Variants in CTNND2 observed in about 807,000 individuals in gnomAD.
The protein encoded by CTNND2 is catenin delta 2, also known as catenin delta-2.
In CTNND2, 22 loss-of-function variants were observed where a neutral mutation model predicts 144.4. The ratio of observed to expected loss-of-function variants is 0.15; its 90% confidence interval spans 0.11 to 0.22. CTNND2 has a LOEUF of 0.22. Ranked by LOEUF, CTNND2 falls within the 10% of genes least tolerant of loss-of-function variation. The pLI is 1.00. For missense variants in CTNND2, 1,353 were observed against 1,618.8 expected (o/e 0.84, Z 2.82); for synonymous variants, 751 against 695.6 (o/e 1.08, Z -1.25).
intron 12 of CTNND2, among the ~76,000 whole-genome samples, chr5:11,130,899 G>A (rs542651156): frequency 6.6e-6 from 1 of 152,174 alleles, no homozygotes; most frequent in South Asian, 2.1e-4. Context: ...TATATTGAAA[G>A]CCGCCCATAT....
intron 18 of CTNND2, among the ~76,000 whole-genome samples, chr5:11,006,478 G>A (rs895204016): frequency 3.3e-5 from 5 of 152,232 alleles, no homozygotes; most frequent in African/African-American, 1.2e-4. Context: ...ATGGAGAAGA[G>A]CTGACCCATC....
rs542798071 is a variant in CTNND2 at position 11,364,657 on chromosome 5, C to A, written c.1372+39G>T. The A allele has an allele frequency of 2.6e-6, 4 of 1,552,094 alleles. 1 individual carries two copies. The highest frequency in any genetic ancestry group is 2.4e-5 in the South Asian group (2 of 82,288). The stretch of plus-strand genomic sequence containing the variant: ...TGAAGCTCCCGCGCAGAGCCCACCC[C>A]CTGTGGACAGGCCACCCAGTGGGGT... On this transcript the variant is annotated intron_variant, in intron 8 of 21. Transcript: ENST00000304623.
At chr5:11,174,876 G>A (rs1240620117) in intron 11 of CTNND2, among the ~76,000 whole-genome samples, 1 of 152,194 alleles carries the variant, frequency 6.6e-6, no homozygotes, top group Non-Finnish European at 1.5e-5. Flanking sequence ...TGACAATCTT[G>A]CTTATTTAAA....
chr5:11,301,935 C>T (rs993900003), intron 9 of CTNND2, among the ~76,000 whole-genome samples: 2 of 152,072 alleles, frequency 1.3e-5, no homozygotes, highest in East Asian at 1.9e-4. Context: ...ATGACTTTCT[C>T]GGACTGAGTT....
chr5:11,162,149 T>C (rs559837980), intron 11 of CTNND2, among the ~76,000 whole-genome samples: 1 of 152,118 alleles, frequency 6.6e-6, no homozygotes, highest in South Asian at 2.1e-4. Flanking sequence ...CAAGGTTCCA[T>C]CTCGGGAAAG....
chr5:11,011,662 G>C (rs372474413), intron 18 of CTNND2, among the ~76,000 whole-genome samples: 1 of 152,168 alleles, frequency 6.6e-6, no homozygotes, highest in Non-Finnish European at 1.5e-5. Context: ...AACAGGGACT[G>C]CCCTGACCCT....
At chr5:11,452,017 A>G (rs1006284291) in intron 3 of CTNND2, among the ~76,000 whole-genome samples, 2 of 152,242 alleles carry the variant, frequency 1.3e-5, no homozygotes, top group African/African-American at 4.8e-5. Flanking sequence ...TACAAGAATC[A>G]TCCAAGGCAT....
chr5:11,172,606 A>G (rs750914964), intron 11 of CTNND2, among the ~76,000 whole-genome samples: 67 of 152,204 alleles, frequency 4.4e-4, no homozygotes, highest in Non-Finnish European at 8.2e-4. Context: ...TCAAGCCTCA[A>G]GGAGCTTCAG....
At chr5:11,404,602 C>CTTTT (rs555388304) in intron 5 of CTNND2, among the ~76,000 whole-genome samples, 1,925 of 57,278 alleles carry the variant, frequency 0.034, 718 homozygotes, top group East Asian at 0.059. Context: ...TATCTGTATT[C>CTTTT]TTTTTTTTTT....
intron 3 of CTNND2, among the ~76,000 whole-genome samples, chr5:11,553,077 G>A (rs1205760192): frequency 1.3e-5 from 2 of 152,132 alleles, no homozygotes; most frequent in African/African-American, 2.4e-5. Flanking sequence ...TGTTTGAAGA[G>A]TATCTATTCA....
intron 12 of CTNND2, among the ~76,000 whole-genome samples, chr5:11,153,997 G>T (rs57618237): frequency 0.078 from 11,915 of 152,126 alleles, 1,462 homozygotes; most frequent in African/African-American, 0.27. Context: ...TCTACCCATA[G>T]TTCACCCTGA....
chr5:11,232,831 ATCTCATT>A (rs752799726), intron 10 of CTNND2, among the ~76,000 whole-genome samples: 1 of 152,184 alleles, frequency 6.6e-6, no homozygotes, highest in Non-Finnish European at 1.5e-5. Context: ...CCCCACCCAA[ATCTCATT>A]TTGAATTGTA....
intron 10 of CTNND2, among the ~76,000 whole-genome samples, chr5:11,213,361 C>T (rs972173371): frequency 6.6e-6 from 1 of 152,094 alleles, no homozygotes; most frequent in Non-Finnish European, 1.5e-5. Flanking sequence ...CACTATGACC[C>T]GCTCTTTCGA....
intron 16 of CTNND2, among the ~76,000 whole-genome samples, chr5:11,071,307 G>T (rs1748255777): frequency 6.6e-6 from 1 of 152,168 alleles, no homozygotes; most frequent in Non-Finnish European, 1.5e-5. Flanking sequence ...GGAGGTTGAG[G>T]CGGGCAGATG....
chr5:11,839,716 T>C (rs950698626), intron 1 of CTNND2, among the ~76,000 whole-genome samples: 4 of 152,086 alleles, frequency 2.6e-5, no homozygotes, highest in African/African-American at 7.2e-5. Context: ...CTATCTCTTA[T>C]ATGCAGGTTC....
chr5:11,330,395 A>G (rs1752985592), intron 9 of CTNND2, among the ~76,000 whole-genome samples: 1 of 140,180 alleles, frequency 7.1e-6, no homozygotes, highest in Admixed American at 7.7e-5. Flanking sequence ...GAAGCAGGAG[A>G]ATGGCATGAA....
chr5:11,884,290 T>C (rs1462411656), intron 1 of CTNND2, among the ~76,000 whole-genome samples: 1 of 152,226 alleles, frequency 6.6e-6, no homozygotes, highest in Non-Finnish European at 1.5e-5. Context: ...GGTTTTCTTC[T>C]AGGGTTTTTA....
intron 3 of CTNND2, among the ~76,000 whole-genome samples, chr5:11,453,509 T>C (rs1765466134): frequency 6.6e-6 from 1 of 152,214 alleles, no homozygotes; most frequent in South Asian, 2.1e-4. Context: ...TCATTGCTTA[T>C]TGTAAATCAT....
intron 7 of CTNND2, among the ~76,000 whole-genome samples, chr5:11,366,136 A>G (rs1340422369): frequency 6.6e-6 from 1 of 152,190 alleles, no homozygotes; most frequent in African/African-American, 2.4e-5. Flanking sequence ...GACCACTTCA[A>G]AGCCAAAGTC....
Sources: allele counts gnomAD v4.1 joint callset (sites outside exome capture counted in the v4.1 genomes callset), GRCh38; gene constraint gnomAD v4.1.1; transcripts MANE v1.5; gene names NCBI Gene and HGNC (gene_info 2026-07-23, HGNC 2026-07-21).